Variants in SLC71A1 observed in about 807,000 individuals in gnomAD.
SLC71A1 encodes solute carrier family 71 member 1, also known as hippocampus abundant gene transcript 1.
chr1:100,059,146 T>G, the SLC71A1 span, among the ~76,000 whole-genome samples: 200 of 99,686 alleles, frequency 2.0e-3, no homozygotes, highest in African/African-American at 3.8e-3. Flanking sequence ...TTTTTCGTGT[T>G]TTTTTTTTTT....
At chr1:100,040,422 C>T in the SLC71A1 span, among the ~76,000 whole-genome samples, 1 of 152,150 alleles carries the variant, frequency 6.6e-6, no homozygotes, top group South Asian at 2.1e-4. Flanking sequence ...TTATCTACCT[C>T]TCTACTTACA....
chr1:100,068,842 G>A, the SLC71A1 span, among the ~76,000 whole-genome samples: 1 of 152,102 alleles, frequency 6.6e-6, no homozygotes, highest in Non-Finnish European at 1.5e-5. Flanking sequence ...AACTAGCCAG[G>A]CGTAGTGGCG....
the SLC71A1 span, among the ~76,000 whole-genome samples, chr1:100,051,046 C>T: frequency 6.6e-6 from 1 of 151,036 alleles, no homozygotes; most frequent in African/African-American, 2.4e-5. Flanking sequence ...TATCGTGCCA[C>T]CACACTCCAG....
chr1:100,065,727 C>T, the SLC71A1 span, among the ~76,000 whole-genome samples: 2 of 148,444 alleles, frequency 1.3e-5, no homozygotes, highest in Non-Finnish European at 3.0e-5. Context: ...CTTTTTTAAC[C>T]CTTTCCTTCC....
At chr1:100,060,349 T>C in the SLC71A1 span, among the ~76,000 whole-genome samples, 1 of 152,222 alleles carries the variant, frequency 6.6e-6, no homozygotes, top group African/African-American at 2.4e-5. Context: ...AAATTTGTCA[T>C]TATCTATATT....
the SLC71A1 span, chr1:100,058,063 G>A: frequency 1.3e-5 from 2 of 152,194 alleles, no homozygotes; most frequent in Admixed American, 6.5e-5. Context: ...ATGCATTCCA[G>A]CGGTTCTCTT....
the SLC71A1 span, chr1:100,082,785 TACTTTTAA>T: frequency 6.6e-6 from 1 of 152,554 alleles, no homozygotes. Flanking sequence ...TTGTTTGCAG[TACTTTTAA>T]ACATTATTCA....
the SLC71A1 span, among the ~76,000 whole-genome samples, chr1:100,066,917 G>A: frequency 3.4e-4 from 52 of 151,194 alleles, no homozygotes; most frequent in South Asian, 0.011. Context: ...TAAACCCCGG[G>A]GGCGGAGCCT....
At chr1:100,043,259 A>G in the SLC71A1 span, 4 of 872,284 alleles carry the variant, frequency 4.6e-6, no homozygotes, top group Non-Finnish European at 5.5e-6. Context: ...GTATGATTTA[A>G]AAGTTTCAAT....
the SLC71A1 span, among the ~76,000 whole-genome samples, chr1:100,057,173 T>C: frequency 6.6e-6 from 1 of 152,144 alleles, no homozygotes; most frequent in Admixed American, 6.6e-5. Flanking sequence ...TGATGTGATC[T>C]CATTTGTCCA....
the SLC71A1 span, among the ~76,000 whole-genome samples, chr1:100,062,361 G>A: frequency 6.6e-6 from 1 of 152,114 alleles, no homozygotes; most frequent in Non-Finnish European, 1.5e-5. Flanking sequence ...GCCACGTACA[G>A]TCTCTGTCTC....
the SLC71A1 span, among the ~76,000 whole-genome samples, chr1:100,051,001 C>A: frequency 6.6e-6 from 1 of 151,024 alleles, no homozygotes; most frequent in East Asian, 2.0e-4. Flanking sequence ...AGGAGAATCA[C>A]TTGAGCCCAG....
At chr1:100,041,657 C>T in the SLC71A1 span, among the ~76,000 whole-genome samples, 2 of 152,204 alleles carry the variant, frequency 1.3e-5, no homozygotes, top group Non-Finnish European at 2.9e-5. Flanking sequence ...GGGGCAGTGG[C>T]TCACGCCTGT....
chr1:100,070,776 A>C, the SLC71A1 span, among the ~76,000 whole-genome samples: 1 of 152,112 alleles, frequency 6.6e-6, no homozygotes, highest in East Asian at 1.9e-4. Flanking sequence ...CTATGAAGAC[A>C]ATCTAGTCTA....
the SLC71A1 span, chr1:100,080,287 A>C: frequency 4.4e-6 from 2 of 452,368 alleles, no homozygotes; most frequent in East Asian, 3.3e-5. Context: ...TGGGTACATC[A>C]GAGCTCATGT....
chr1:100,059,784 G>A, the SLC71A1 span: 1 of 1,107,998 alleles, frequency 9.0e-7, no homozygotes, highest in South Asian at 2.0e-5. Context: ...TAGAAACAAA[G>A]TTGTTGAAAA....
At chr1:100,075,740 G>A in the SLC71A1 span, among the ~76,000 whole-genome samples, 3 of 152,170 alleles carry the variant, frequency 2.0e-5, no homozygotes, top group Non-Finnish European at 2.9e-5. Flanking sequence ...GTGCAGTGGT[G>A]TGATCATGGC....
the SLC71A1 span, among the ~76,000 whole-genome samples, chr1:100,070,905 A>G: frequency 2.6e-5 from 4 of 152,130 alleles, no homozygotes; most frequent in Non-Finnish European, 5.9e-5. Flanking sequence ...TTCCTTCTGC[A>G]GGTCTCATGA....
chr1:100,059,401 T>C, the SLC71A1 span, among the ~76,000 whole-genome samples: 1 of 151,754 alleles, frequency 6.6e-6, no homozygotes, highest in African/African-American at 2.4e-5. Flanking sequence ...CTAAGTGATC[T>C]GCCCTCGACC....
Sources: gnomAD v4.1 joint callset for allele counts (sites outside exome capture counted in the v4.1 genomes callset) on GRCh38, gnomAD v4.1.1 for gene constraint, MANE v1.5 for transcripts, NCBI Gene and HGNC (gene_info 2026-07-23, HGNC 2026-07-21) for gene names.